Variants in MPPED1 observed in about 807,000 individuals in gnomAD.
MPPED1 encodes the protein metallophosphoesterase domain containing 1.
In MPPED1, 16 loss-of-function variants were observed where a neutral mutation model predicts 36.2. The observed-to-expected ratio is 0.44, with a 90% CI of 0.30 to 0.67. The LOEUF (loss-of-function observed/expected upper bound fraction) is 0.67, where lower values mean the gene tolerates loss of function less well. MPPED1 is among the 30% of genes least tolerant of loss of function. The pLI is 0.10. For synonymous variants in MPPED1, 199 were observed against 191.3 expected, an observed-to-expected ratio of 1.04 and a Z score of -0.33; for missense variants, 307 against 453.4, an observed-to-expected ratio of 0.68 and a Z score of 2.93.
rs145401216 is a variant in MPPED1 at position 43,503,932 on chromosome 22, C to T, written c.862+1175C>T. 3.5e-3 allele frequency among the ~76,000 whole-genome samples: 532 copies of T among 152,236 alleles called. 4 individuals are homozygous for T. Among genetic ancestry groups the T allele is most frequent in the African/African-American group, 0.012 (490 of 41,536 alleles). On this transcript the variant is annotated intron_variant, in intron 6 of 6. Transcript: ENST00000443721. ...CACCACGCAGGGAAGGGGAAATGTT[C>T]CTTCTATCTTGGAGATGACCTGAGC... is the stretch of plus-strand genomic sequence containing the variant.
Position 43,502,641 on chromosome 22 carries a change from C to T in MPPED1, c.749-3C>T. 1 of 1,612,728 alleles carries T rather than the reference C, an allele frequency of 6.2e-7. No individual in the cohort carries two copies. Among genetic ancestry groups the T allele is most frequent in the Admixed American group, 1.7e-5 (1 of 60,016 alleles). On this transcript the variant is annotated splice_region_variant and splice_polypyrimidine_tract_variant and intron_variant, in intron 5 of 6. Coordinates refer to ENST00000443721, the MANE Select transcript of MPPED1 (RefSeq NM_001044370.2). This position sits in a 1 kb window ranked among gnomAD's most constrained non-coding sequence, Gnocchi z 5.5. ...TGGCCTCCTGTTGTCTCCCCCATACCAGGCTTCCTGGACTGGGTCCCCAAG... is the reference window on the plus strand; with the variant it reads ...TGGCCTCCTGTTGTCTCCCCCATACTAGGCTTCCTGGACTGGGTCCCCAAG...
At position 43,444,064 on chromosome 22, in the gene MPPED1, C is replaced by T. The variant is rs1930244271; in HGVS notation, c.406+8849C>T. On this transcript the variant is annotated intron_variant, in intron 3 of 6. Transcript: ENST00000443721. ...TCTATATTCTTCATCAAAAAAATTC[C>T]TCACAAGCCATGCTGTGTTGTAGGG... 2.0e-5 allele frequency among the ~76,000 whole-genome samples: 3 copies of T among 152,188 alleles called. No homozygotes were observed. In the South Asian group the frequency reaches 6.2e-4, roughly 32 times the overall value.
intron 4 of MPPED1, among the ~76,000 whole-genome samples, chr22:43,482,453 C>T (rs1181150380): frequency 6.6e-6 from 1 of 152,188 alleles, no homozygotes; most frequent in East Asian, 1.9e-4. Flanking sequence ...TGCCCTTCAC[C>T]TCTCTGTGGG....
intron 5 of MPPED1, among the ~76,000 whole-genome samples, chr22:43,501,311 C>T (rs942018256): frequency 1.3e-5 from 2 of 152,184 alleles, no homozygotes; most frequent in African/African-American, 4.8e-5. Context: ...TCATTCCCTC[C>T]TTTCCATATC....
chr22:43,452,083 T>C (rs374887364), intron 3 of MPPED1, among the ~76,000 whole-genome samples: 2 of 151,940 alleles, frequency 1.3e-5, no homozygotes, highest in South Asian at 2.1e-4. Flanking sequence ...AGTGGCATGA[T>C]CTCGGCTCAC....
intron 3 of MPPED1, among the ~76,000 whole-genome samples, chr22:43,467,124 A>G (rs1931200165): frequency 6.6e-6 from 1 of 152,232 alleles, no homozygotes; most frequent in Non-Finnish European, 1.5e-5. Flanking sequence ...ACTAAAGCTC[A>G]GGGAAGTGAG....
chr22:43,424,769 A>G, intron 1 of MPPED1, 139 bp from the exon 2 acceptor site: 1 of 1,134,310 alleles, frequency 8.8e-7, no homozygotes. Flanking sequence ...AAAGATTTGT[A>G]ATGAGTTTTT....
intron 1 of MPPED1, among the ~76,000 whole-genome samples, chr22:43,412,636 A>G (rs1407153199): frequency 6.6e-6 from 1 of 150,532 alleles, no homozygotes; most frequent in Non-Finnish European, 1.5e-5. Context: ...TGGAAACTTC[A>G]TCCATTTCCT....
At chr22:43,476,854 G>C (rs1569082937) in intron 4 of MPPED1, among the ~76,000 whole-genome samples, 2 of 152,082 alleles carry the variant, frequency 1.3e-5, no homozygotes, top group African/African-American at 4.8e-5. Context: ...TGCCTCACCG[G>C]CCACTAGAGC....
rs566210632 is a variant in MPPED1, at chr22:43,500,577, C to G, written c.749-2067C>G. ...CCCCTCTGTGACCCTCTGTGGTTCC[C>G]TCAGTCCTCTGAATGAAGTTCAGTC... On this transcript the variant is annotated intron_variant, in intron 5 of 6. Transcript: ENST00000443721. Among the ~76,000 whole-genome samples, 4 of 151,986 alleles carry G rather than the reference C, an allele frequency of 2.6e-5. No individual in the cohort carries two copies. The East Asian group carries it at 7.7e-4, about 29-fold the overall frequency.
At chr22:43,421,503 G>A (rs1445251089) in intron 1 of MPPED1, among the ~76,000 whole-genome samples, 3 of 152,226 alleles carry the variant, frequency 2.0e-5, no homozygotes, top group Non-Finnish European at 4.4e-5. Flanking sequence ...AAGACGGGTG[G>A]GGGCCCCTGG....
chr22:43,465,772 C>T (rs1049516204), intron 3 of MPPED1, among the ~76,000 whole-genome samples: 5 of 152,228 alleles, frequency 3.3e-5, no homozygotes, highest in South Asian at 2.1e-4. Context: ...GGAAGAGGAT[C>T]CTGGTGTGTG....
chr22:43,497,589 A>G (rs966290741), intron 4 of MPPED1, among the ~76,000 whole-genome samples: 12 of 152,154 alleles, frequency 7.9e-5, no homozygotes, highest in African/African-American at 2.9e-4. Flanking sequence ...AATATCTGGC[A>G]TTGATGGGTC....
intron 6 of MPPED1, among the ~76,000 whole-genome samples, chr22:43,503,197 G>A (rs1602031132): frequency 6.6e-6 from 1 of 152,176 alleles, no homozygotes; most frequent in African/African-American, 2.4e-5. Context: ...AATAAGTGTG[G>A]AGGGACTACC....
At chr22:43,479,941 C>A (rs769120316) in intron 4 of MPPED1, among the ~76,000 whole-genome samples, 2 of 152,128 alleles carry the variant, frequency 1.3e-5, no homozygotes, top group African/African-American at 2.4e-5. Context: ...CAGCTCACTG[C>A]GGCCTCGACT....
intron 5 of MPPED1, 41 bp downstream of exon 5, chr22:43,498,391 G>C: frequency 6.7e-7 from 1 of 1,482,188 alleles, no homozygotes. Flanking sequence ...CGCCCATCTG[G>C]GCTGGTGGGT....
chr22:43,448,354 A>T (rs141764875), intron 3 of MPPED1, among the ~76,000 whole-genome samples: 200 of 152,282 alleles, frequency 1.3e-3, no homozygotes, highest in African/African-American at 4.8e-3. Flanking sequence ...TGACTTTTGT[A>T]TTTTTATTTC....
At chr22:43,431,958 T>C (rs1023239622) in intron 2 of MPPED1, among the ~76,000 whole-genome samples, 2 of 152,154 alleles carry the variant, frequency 1.3e-5, no homozygotes, top group African/African-American at 4.8e-5. Context: ...GATCTCTGGC[T>C]CCAGCAGCAG....
chr22:43,453,446 C>T (rs547054411), intron 3 of MPPED1, among the ~76,000 whole-genome samples: 16 of 152,202 alleles, frequency 1.1e-4, no homozygotes, highest in African/African-American at 3.9e-4. Flanking sequence ...TGGCCAAACC[C>T]AGCACAATCC....
Sources: allele counts gnomAD v4.1 joint callset (sites outside exome capture counted in the v4.1 genomes callset), GRCh38; gene constraint gnomAD v4.1.1; non-coding constraint Gnocchi (gnomAD v3.1); transcripts MANE v1.5; gene names NCBI Gene and HGNC (gene_info 2026-07-23, HGNC 2026-07-21).